SPMIP1: variants seen among roughly 807,000 people sequenced by gnomAD.
SPMIP1 encodes the protein protein SPMIP1.
chr7:128,868,962 A>G, the SPMIP1 span: 1 of 546,350 alleles, frequency 1.8e-6, no homozygotes, highest in Non-Finnish European at 3.3e-6. Context: ...CACTTTAATC[A>G]TCCCTTTGAG....
the SPMIP1 span, among the ~76,000 whole-genome samples, chr7:128,868,194 C>G: frequency 3.3e-5 from 5 of 152,388 alleles, no homozygotes; most frequent in Admixed American, 3.3e-4. Flanking sequence ...GCCCTGTACC[C>G]TTCTCCAGCT....
At chr7:128,866,443 C>A in the SPMIP1 span, 1 of 1,534,760 alleles carries the variant, frequency 6.5e-7, no homozygotes, top group Non-Finnish European at 8.7e-7. Flanking sequence ...CGCGTTACGG[C>A]AGAACTTCTG....
At chr7:128,866,973 G>T in the SPMIP1 span, 1 of 848,984 alleles carries the variant, frequency 1.2e-6, no homozygotes, top group South Asian at 1.9e-5. Flanking sequence ...GAACTAGGGA[G>T]TGGCGGTGGG....
At chr7:128,866,982 G>A in the SPMIP1 span, among the ~76,000 whole-genome samples, 2 of 152,222 alleles carry the variant, frequency 1.3e-5, no homozygotes, top group East Asian at 1.9e-4. Context: ...AGTGGCGGTG[G>A]GCAGGGAGGC....
chr7:128,867,443 G>C, the SPMIP1 span, among the ~76,000 whole-genome samples: 2 of 152,324 alleles, frequency 1.3e-5, no homozygotes, highest in Admixed American at 1.3e-4. Context: ...GCATGAACAG[G>C]TCCTATTTAG....
the SPMIP1 span, among the ~76,000 whole-genome samples, chr7:128,867,937 G>T: frequency 6.6e-6 from 1 of 152,184 alleles, no homozygotes; most frequent in Non-Finnish European, 1.5e-5. Context: ...GGGAGTGGGG[G>T]CAGGAGGGCT....
the SPMIP1 span, chr7:128,870,817 G>C: frequency 6.6e-6 from 1 of 152,214 alleles, no homozygotes; most frequent in Non-Finnish European, 1.5e-5. Context: ...TCCTGAATTT[G>C]TTAAAGCCAT....
At chr7:128,867,150 C>T in the SPMIP1 span, among the ~76,000 whole-genome samples, 1 of 152,196 alleles carries the variant, frequency 6.6e-6, no homozygotes, top group Non-Finnish European at 1.5e-5. Context: ...ACTGGTGAAC[C>T]TTTTAAAAAG....
At chr7:128,868,735 G>C in the SPMIP1 span, 2 of 1,535,880 alleles carry the variant, frequency 1.3e-6, no homozygotes, top group Non-Finnish European at 1.7e-6. Context: ...CGCAAGAACG[G>C]GGCCTTCGCA....
At chr7:128,868,567 A>C in the SPMIP1 span, 2 of 656,158 alleles carry the variant, frequency 3.0e-6, no homozygotes, top group Non-Finnish European at 2.5e-6. Flanking sequence ...TGGCTACTCC[A>C]CTGACGGATT....
At chr7:128,868,854 T>C in the SPMIP1 span, 1 of 902,080 alleles carries the variant, frequency 1.1e-6, no homozygotes, top group Non-Finnish European at 1.7e-6. Flanking sequence ...TGTGTGTGTC[T>C]GTGCCCCTCT....
the SPMIP1 span, chr7:128,871,114 T>A: frequency 1.3e-5 from 2 of 152,366 alleles, no homozygotes; most frequent in African/African-American, 2.4e-5. Context: ...TGGCTAGGGG[T>A]GCCCTGAGGG....
chr7:128,866,592 A>ACC, the SPMIP1 span: 1 of 796,026 alleles, frequency 1.3e-6, no homozygotes, highest in South Asian at 1.8e-5. Context: ...CCAAAGCCCC[A>ACC]CTCTCACCCC....
the SPMIP1 span, chr7:128,866,553 C>T: frequency 6.5e-7 from 1 of 1,535,928 alleles, no homozygotes; most frequent in Non-Finnish European, 8.7e-7. Context: ...CTGCAGCCCG[C>T]CTGCCCCTCA....
chr7:128,868,592 G>T, the SPMIP1 span: 3 of 926,162 alleles, frequency 3.2e-6, no homozygotes, highest in Admixed American at 7.2e-5. Context: ...GGGCTGTGCA[G>T]ACAGACAGGG....
At chr7:128,869,652 G>T in the SPMIP1 span, 1 of 152,184 alleles carries the variant, frequency 6.6e-6, no homozygotes, top group Admixed American at 6.5e-5. Flanking sequence ...CGGTCCCGCC[G>T]GCGGCGCTGC....
At chr7:128,869,917 GC>G in the SPMIP1 span, 3 of 148,718 alleles carry the variant, frequency 2.0e-5, no homozygotes, top group Admixed American at 2.0e-4. Flanking sequence ...AGGCCTGGGG[GC>G]CCCGGAGAGC....
chr7:128,868,597 A>T, the SPMIP1 span: 1 of 974,242 alleles, frequency 1.0e-6, no homozygotes, highest in Non-Finnish European at 1.5e-6. Flanking sequence ...GTGCAGACAG[A>T]CAGGGCTCCC....
the SPMIP1 span, chr7:128,869,135 G>A: frequency 2.6e-6 from 1 of 377,548 alleles, no homozygotes; most frequent in East Asian, 3.8e-5. Context: ...TCCTGCCACC[G>A]CCACACCCCT....
Sources: gnomAD v4.1 joint callset for allele counts (sites outside exome capture counted in the v4.1 genomes callset) on GRCh38, gnomAD v4.1.1 for gene constraint, MANE v1.5 for transcripts, NCBI Gene and HGNC (gene_info 2026-07-23, HGNC 2026-07-21) for gene names.